Variants in KTN1 observed in about 807,000 individuals in gnomAD.
The protein encoded by KTN1 is kinectin 1.
In KTN1, 130 loss-of-function variants were observed where a neutral mutation model predicts 222.5. The observed-to-expected ratio is 0.58, with a 90% CI of 0.51 to 0.68. The LOEUF is 0.68. Ranked by LOEUF, KTN1 falls within the 30% of genes least tolerant of loss-of-function variation. The pLI is 0.00. For missense variants in KTN1, 1,508 were observed against 1,500.4 expected (o/e 1.01, Z -0.08); for synonymous variants, 512 against 496.3 (o/e 1.03, Z -0.42).
At position 55,653,548 on chromosome 14, in the gene KTN1, C is replaced by A; in HGVS notation, c.2764-11C>A. On this transcript the variant is annotated splice_polypyrimidine_tract_variant and intron_variant, in intron 27 of 43. Coordinates refer to ENST00000395314, the MANE Select transcript of KTN1 (RefSeq NM_001079521.2). ...TGCTAACAGCATTAAAAATATGATTCTGTTTCTCAGGCCTCTTCTGCATCA... is the reference window on the plus strand; with the variant it reads ...TGCTAACAGCATTAAAAATATGATTATGTTTCTCAGGCCTCTTCTGCATCA... The A allele has an allele frequency of 6.2e-7, 1 of 1,605,168 alleles. No individual in the cohort carries two copies. Among genetic ancestry groups the A allele is most frequent in the South Asian group, 1.1e-5 (1 of 90,424 alleles).
At chr14:55,654,296 G>A (rs180971928) in intron 28 of KTN1, among the ~76,000 whole-genome samples, 27 of 152,100 alleles carry the variant, frequency 1.8e-4, no homozygotes, top group South Asian at 1.5e-3. Context: ...GAAGTGCCCC[G>A]TTTTAAACTG....
chr14:55,629,924 A>G (rs2040323931), intron 6 of KTN1, 33 bp from the exon 7 acceptor site: 1 of 1,392,572 alleles, frequency 7.2e-7, no homozygotes, highest in Non-Finnish European at 1.0e-6. Context: ...TTATTAAATA[A>G]CAAGTTTTTA....
At chr14:55,641,573 C>T (rs1401400390) in intron 17 of KTN1, 119 bp from the exon 18 acceptor site, 11 of 743,068 alleles carry the variant, frequency 1.5e-5, no homozygotes, top group Middle Eastern at 2.7e-4. Flanking sequence ...GTATAATTCA[C>T]CTGTCACTTT....
At chr14:55,589,143 T>C (rs2033612278) in intron 1 of KTN1, among the ~76,000 whole-genome samples, 1 of 152,158 alleles carries the variant, frequency 6.6e-6, no homozygotes, top group Non-Finnish European at 1.5e-5. Flanking sequence ...TATAAGTTAG[T>C]TGTAAAGTGA....
intron 5 of KTN1, among the ~76,000 whole-genome samples, 186 bp downstream of exon 5, chr14:55,619,498 A>G (rs540793972): frequency 2.0e-5 from 3 of 152,258 alleles, no homozygotes; most frequent in African/African-American, 7.2e-5. Context: ...ATAAAGAGAT[A>G]CCCGAGACTG....
At chr14:55,587,910 C>T (rs1412411372) in intron 1 of KTN1, among the ~76,000 whole-genome samples, 1 of 152,080 alleles carries the variant, frequency 6.6e-6, no homozygotes, top group African/African-American at 2.4e-5. Context: ...AATTCTTTCA[C>T]TCTTTTTTTT....
chr14:55,647,818 CCT>C (rs1003046671), intron 19 of KTN1, among the ~76,000 whole-genome samples: 5 of 151,318 alleles, frequency 3.3e-5, no homozygotes, highest in Admixed American at 2.0e-4. Flanking sequence ...GTGGCGGGCG[CCT>C]GTAGTCCCAG....
intron 27 of KTN1, 38 bp downstream of exon 27, chr14:55,653,123 A>G: frequency 7.7e-7 from 1 of 1,293,518 alleles, no homozygotes; most frequent in African/African-American, 1.5e-5. Context: ...TTACATAAGG[A>G]ATGATAAATC....
rs766177694 is a variant in KTN1, at chr14:55,628,009, G to T, written c.1061G>T (p.Arg354Leu). 6 of 1,611,286 alleles carry T rather than the reference G, an allele frequency of 3.7e-6. No homozygotes were observed. The highest frequency in any genetic ancestry group is 8.5e-7 in the Non-Finnish European group (1 of 1,177,556). ...GAAGATGCTGCTGCTACAAAGGATC[G>T]GTGTAAGCAGTTAACCCAGGTGAAG... ...VKEDAAATKDRCKQLTQEMMT... is the reference protein window; with the variant it reads ...VKEDAAATKDLCKQLTQEMMT... The change falls in exon 6 of 44, where the codon CGG becomes CTG. Residue 354 changes from arginine to leucine, a missense_variant. By Grantham distance (102) the Arg-to-Leu change is moderately radical. Transcript: ENST00000395314.
chr14:55,616,323 G>A (rs1433610530), intron 2 of KTN1, among the ~76,000 whole-genome samples, 194 bp from the exon 3 acceptor site: 1 of 152,148 alleles, frequency 6.6e-6, no homozygotes, highest in Non-Finnish European at 1.5e-5. Flanking sequence ...TGAGGAATGG[G>A]AAAGGAGGAG....
chr14:55,596,743 C>G (rs902288794), intron 1 of KTN1, among the ~76,000 whole-genome samples: 12 of 151,874 alleles, frequency 7.9e-5, no homozygotes, highest in Admixed American at 3.3e-4. Flanking sequence ...GATCGGGTCT[C>G]TCACTAATTT....
chr14:55,588,974 C>G (rs925871289), intron 1 of KTN1, among the ~76,000 whole-genome samples: 1 of 150,644 alleles, frequency 6.6e-6, no homozygotes, highest in Non-Finnish European at 1.5e-5. Flanking sequence ...AATATAGTTA[C>G]CGAAAAAAAA....
intron 2 of KTN1, among the ~76,000 whole-genome samples, chr14:55,615,852 C>T (rs1230546877): frequency 9.9e-5 from 15 of 150,974 alleles, no homozygotes; most frequent in African/African-American, 3.2e-4. Context: ...TCCTTCCTTT[C>T]CTTCCCTTTC....
intron 9 of KTN1, 69 bp from the exon 10 acceptor site, chr14:55,636,380 T>C (rs1290005469): frequency 1.3e-5 from 16 of 1,213,408 alleles, no homozygotes; most frequent in Admixed American, 1.0e-4. Context: ...ATGCTTTTTT[T>C]CCCTCTTTTT....
chr14:55,640,517 G>A, intron 15 of KTN1, 75 bp downstream of exon 15: 6 of 1,001,786 alleles, frequency 6.0e-6, no homozygotes, highest in Non-Finnish European at 9.1e-6. Context: ...GATATTGTGA[G>A]CCCCAATTTG....
intron 18 of KTN1, among the ~76,000 whole-genome samples, chr14:55,642,989 A>G (rs2141019382): frequency 1.3e-5 from 2 of 150,694 alleles, no homozygotes; most frequent in East Asian, 3.9e-4. Flanking sequence ...GGCTCACTGT[A>G]TCCTCCACCT....
intron 28 of KTN1, among the ~76,000 whole-genome samples, chr14:55,654,763 C>T (rs79254390): frequency 5.7e-4 from 87 of 152,186 alleles, no homozygotes; most frequent in Non-Finnish European, 9.9e-4. Flanking sequence ...TGGGTTTTAA[C>T]ATGTATAATG....
chr14:55,640,585 CTGTTTT>C (rs2041681788), intron 15 of KTN1, 143 bp downstream of exon 15: 2 of 632,168 alleles, frequency 3.2e-6, no homozygotes, highest in African/African-American at 3.7e-5. Context: ...TTTGATGTTA[CTGTTTT>C]TATGTTGAAA....
chr14:55,652,461 T>C (rs979010889), intron 25 of KTN1, among the ~76,000 whole-genome samples: 3 of 148,614 alleles, frequency 2.0e-5, no homozygotes, highest in Middle Eastern at 3.3e-3. Context: ...TGCAGTGGCA[T>C]GATCTCGGCT....
Sources: gnomAD v4.1 joint callset for allele counts (sites outside exome capture counted in the v4.1 genomes callset) on GRCh38, gnomAD v4.1.1 for gene constraint, MANE v1.5 for transcripts, NCBI Gene and HGNC (gene_info 2026-07-23, HGNC 2026-07-21) for gene names.